TNFAIP8: variants seen among roughly 807,000 people sequenced by gnomAD.
The protein encoded by TNFAIP8 is TNF alpha induced protein 8.
TNFAIP8 carries 7 observed loss-of-function variants against 13.3 expected under a neutral mutation model. The observed-to-expected ratio is 0.52, with a 90% confidence interval of 0.30 to 0.99. TNFAIP8 has a LOEUF of 0.99. Ranked by LOEUF, TNFAIP8 falls within the 50% of genes least tolerant of loss-of-function variation. TNFAIP8 has a pLI of 0.07. For synonymous variants in TNFAIP8, 94 were observed against 87.6 expected (o/e 1.07, Z -0.41); for missense variants, 258 against 236.9 (o/e 1.09, Z -0.58).
chr5:119,362,035 T>C (rs1437252644), intron 1 of TNFAIP8, among the ~76,000 whole-genome samples: 1 of 152,166 alleles, frequency 6.6e-6, no homozygotes, highest in Non-Finnish European at 1.5e-5. Context: ...ACACAGCACA[T>C]GTGCATCCAT....
chr5:119,371,723 G>A (rs1293400639), intron 1 of TNFAIP8, among the ~76,000 whole-genome samples: 1 of 152,184 alleles, frequency 6.6e-6, no homozygotes, highest in Non-Finnish European at 1.5e-5. Context: ...GCCTTTTGTA[G>A]CAGTGAGAAT....
chr5:119,292,195 A>G (rs78066775), intron 1 of TNFAIP8, among the ~76,000 whole-genome samples: 163 of 152,220 alleles, frequency 1.1e-3, no homozygotes, highest in African/African-American at 3.8e-3. Context: ...AGGACTTGAG[A>G]AGGGAAGTTC....
chr5:119,296,707 G>A (rs1278937312), intron 1 of TNFAIP8, among the ~76,000 whole-genome samples: 1 of 152,164 alleles, frequency 6.6e-6, no homozygotes, highest in Non-Finnish European at 1.5e-5. Flanking sequence ...AATGGTACCA[G>A]TTCCTCCTTG....
intron 1 of TNFAIP8, among the ~76,000 whole-genome samples, chr5:119,295,003 C>T (rs1437183961): frequency 1.3e-5 from 2 of 151,968 alleles, no homozygotes; most frequent in African/African-American, 4.8e-5. Flanking sequence ...CCTGTTCACT[C>T]TAATGGTAGT....
intron 1 of TNFAIP8, among the ~76,000 whole-genome samples, chr5:119,271,556 G>A (rs964609259): frequency 6.6e-6 from 1 of 152,182 alleles, no homozygotes; most frequent in African/African-American, 2.4e-5. Flanking sequence ...TCCAGGAGAC[G>A]GGAGAAGCAG....
intron 1 of TNFAIP8, among the ~76,000 whole-genome samples, chr5:119,342,027 T>C (rs1750755079): frequency 6.6e-6 from 1 of 151,946 alleles, no homozygotes; most frequent in Admixed American, 6.5e-5. Flanking sequence ...CTATCTGGGG[T>C]GCCCTCTAGT....
At chr5:119,314,771 A>G (rs1383438998) in intron 1 of TNFAIP8, among the ~76,000 whole-genome samples, 1 of 152,254 alleles carries the variant, frequency 6.6e-6, no homozygotes, top group Non-Finnish European at 1.5e-5. Context: ...TACTTTATCT[A>G]TAAAATGAGG....
chr5:119,363,003 G>A (rs1751693083), intron 1 of TNFAIP8, among the ~76,000 whole-genome samples: 1 of 152,172 alleles, frequency 6.6e-6, no homozygotes, highest in Non-Finnish European at 1.5e-5. Flanking sequence ...GTCTCTGAGA[G>A]CAAGACTGTA....
chr5:119,274,515 G>T (rs1748382134), intron 1 of TNFAIP8, among the ~76,000 whole-genome samples: 1 of 152,248 alleles, frequency 6.6e-6, no homozygotes, highest in South Asian at 2.1e-4. Flanking sequence ...CCTGGAAGAG[G>T]TGAGTGAACT....
intron 1 of TNFAIP8, among the ~76,000 whole-genome samples, chr5:119,341,394 T>C (rs370014720): frequency 6.6e-6 from 1 of 151,770 alleles, no homozygotes; most frequent in South Asian, 2.1e-4. Context: ...TCTAAAGGCA[T>C]TGAAGTTCAG....
At chr5:119,302,394 G>A (rs1269774785) in intron 1 of TNFAIP8, among the ~76,000 whole-genome samples, 1 of 152,114 alleles carries the variant, frequency 6.6e-6, no homozygotes, top group African/African-American at 2.4e-5. Context: ...TCTATTTTTA[G>A]TATGTTTCCT....
chr5:119,318,649 C>A (rs1334266287), intron 1 of TNFAIP8, among the ~76,000 whole-genome samples: 1 of 55,544 alleles, frequency 1.8e-5, no homozygotes, highest in Non-Finnish European at 3.5e-5. Context: ...TATAGTTTTT[C>A]AGTTTTTTTT....
intron 1 of TNFAIP8, among the ~76,000 whole-genome samples, chr5:119,276,834 G>A (rs1325753443): frequency 7.9e-5 from 12 of 152,132 alleles, no homozygotes; most frequent in Non-Finnish European, 1.6e-4. Context: ...GTACATTTCA[G>A]TCTATAACAA....
chr5:119,379,441 G>A (rs564943617), intron 1 of TNFAIP8, among the ~76,000 whole-genome samples: 1 of 152,270 alleles, frequency 6.6e-6, no homozygotes, highest in African/African-American at 2.4e-5. Context: ...AAGCTTTTTG[G>A]AAGGGGCGGC....
intron 1 of TNFAIP8, among the ~76,000 whole-genome samples, chr5:119,370,296 G>C (rs1170658810): frequency 6.6e-6 from 1 of 152,176 alleles, no homozygotes; most frequent in Admixed American, 6.5e-5. Flanking sequence ...AGAAGAGAAA[G>C]ATATTACTTG....
chr5:119,332,080 A>G (rs1275935470), intron 1 of TNFAIP8, among the ~76,000 whole-genome samples: 1 of 152,252 alleles, frequency 6.6e-6, no homozygotes, highest in Non-Finnish European at 1.5e-5. Context: ...TAAGTGTCAT[A>G]TCGCTATGAG....
intron 1 of TNFAIP8, among the ~76,000 whole-genome samples, chr5:119,389,624 G>C (rs1047357738): frequency 6.6e-6 from 1 of 152,120 alleles, no homozygotes; most frequent in African/African-American, 2.4e-5. Context: ...GCCCCAGTTG[G>C]CTTCAAAAAA....
Position 119,383,302 on chromosome 5 carries a change from G to A in TNFAIP8, c.32-9514G>A, listed in dbSNP as rs114097931. 5.4e-3 allele frequency among the ~76,000 whole-genome samples: 828 copies of A among 152,310 alleles called. 2 individuals carry two copies. The highest frequency in any genetic ancestry group is 0.014 in the Middle Eastern group (4 of 294). The stretch of plus-strand genomic sequence containing the variant: ...CCACTTACATTCTGGGTCAGTCACA[G>A]ATCTGTTGTCATGGTGTAATTACTA... On this transcript the variant is annotated intron_variant, in intron 1 of 1. Transcript: ENST00000504771.
At chr5:119,331,022 A>G (rs1421428514) in intron 1 of TNFAIP8, among the ~76,000 whole-genome samples, 1 of 152,026 alleles carries the variant, frequency 6.6e-6, no homozygotes, top group Non-Finnish European at 1.5e-5. Context: ...GCCTGGACAG[A>G]TTCTTCAGCC....
Sources: allele counts gnomAD v4.1 joint callset (sites outside exome capture counted in the v4.1 genomes callset), GRCh38; gene constraint gnomAD v4.1.1; transcripts MANE v1.5; gene names NCBI Gene and HGNC (gene_info 2026-07-23, HGNC 2026-07-21).